TENM2: variants seen among roughly 807,000 people sequenced by gnomAD.
TENM2 encodes teneurin transmembrane protein 2.
A neutral mutation model predicts 245.2 loss-of-function variants in TENM2; 52 were observed. The observed-to-expected ratio is 0.21, with a 90% CI of 0.17 to 0.27. The LOEUF (loss-of-function observed/expected upper bound fraction) is 0.27. Ranked by LOEUF, TENM2 falls within the 10% of genes least tolerant of loss-of-function variation. The pLI is 1.00. For synonymous variants in TENM2, 1,363 were observed against 1,438.9 expected, an observed-to-expected ratio of 0.95 and a Z score of 1.19; for missense variants, 3,046 against 3,666.8, an observed-to-expected ratio of 0.83 and a Z score of 4.37.
chr5:167,442,921 T>C (rs1371024858), intron 2 of TENM2, among the ~76,000 whole-genome samples: 1 of 152,216 alleles, frequency 6.6e-6, no homozygotes, highest in Non-Finnish European at 1.5e-5. Context: ...ACAGGAACCC[T>C]GCTCCAATTA....
In TENM2 at chr5:167,801,241, G is replaced by A. The variant is rs367604833; in HGVS notation, c.503-74745G>A. ...TCATATTAGTAAACAAATGTTTCTG[G>A]CTGCTGAAGGTATAATTTATTTTTA... On this transcript the variant is annotated intron_variant, in intron 2 of 28. Coordinates refer to ENST00000518659, the Ensembl canonical transcript of TENM2. Among the ~76,000 whole-genome samples, 35 of 148,254 alleles carry A rather than the reference G, an allele frequency of 2.4e-4. 1 individual carries two copies. In the East Asian group the frequency reaches 5.5e-3, roughly 23 times the overall value.
intron 3 of TENM2, among the ~76,000 whole-genome samples, chr5:167,906,681 C>T (rs917495716): frequency 6.6e-6 from 1 of 152,146 alleles, no homozygotes; most frequent in East Asian, 1.9e-4. Context: ...CTCCAGGGAG[C>T]GCCATTCACG....
the TENM2 span, among the ~76,000 whole-genome samples, chr5:167,136,074 A>G: frequency 6.6e-6 from 1 of 152,234 alleles, no homozygotes; most frequent in Non-Finnish European, 1.5e-5. Context: ...AGAGAGGATG[A>G]TCATTTTTAA....
At chr5:167,898,821 A>G (rs1011965806) in intron 3 of TENM2, among the ~76,000 whole-genome samples, 5 of 152,186 alleles carry the variant, frequency 3.3e-5, no homozygotes, top group Non-Finnish European at 7.3e-5. Flanking sequence ...GTTCTTGAGC[A>G]TGGCTAGTGT....
In TENM2 at chr5:168,178,420, C is replaced by G. The variant is rs577162019; in HGVS notation, c.2570-11917C>G. On this transcript the variant is annotated intron_variant, in intron 13 of 28. Transcript: ENST00000518659. Reference sequence around the variant, plus strand: ...GAGGCCAAGAGCAGAGGCCCCTGCTCTCTGTTGCCAGTGGTTTTTGTAACA... The same window carrying G: ...GAGGCCAAGAGCAGAGGCCCCTGCTGTCTGTTGCCAGTGGTTTTTGTAACA... Among the ~76,000 whole-genome samples the G allele has an allele frequency of 5.3e-5, 8 of 152,172 alleles. No homozygotes were observed. The South Asian group carries it at 1.7e-3, about 32-fold the overall frequency.
chr5:168,082,881 G>A (rs528038069), intron 7 of TENM2, among the ~76,000 whole-genome samples: 7 of 152,316 alleles, frequency 4.6e-5, no homozygotes, highest in Non-Finnish European at 8.8e-5. Context: ...GTGTCTCCCA[G>A]TTAGTCTACT....
intron 2 of TENM2, among the ~76,000 whole-genome samples, chr5:167,442,802 T>C (rs1764945562): frequency 6.6e-6 from 1 of 152,128 alleles, no homozygotes; most frequent in African/African-American, 2.4e-5. Flanking sequence ...AATTGCATAA[T>C]ATGGTCAAAT....
At chr5:167,896,367 T>C (rs1775221073) in intron 3 of TENM2, among the ~76,000 whole-genome samples, 1 of 152,244 alleles carries the variant, frequency 6.6e-6, no homozygotes, top group African/African-American at 2.4e-5. Flanking sequence ...GGGGAATGAC[T>C]GGATTGAGGC....
intron 2 of TENM2, among the ~76,000 whole-genome samples, chr5:167,841,393 A>C: frequency 6.6e-6 from 1 of 152,064 alleles, no homozygotes; most frequent in Non-Finnish European, 1.5e-5. Flanking sequence ...ATTTTGATAT[A>C]ATTTCAAAAT....
the TENM2 span, among the ~76,000 whole-genome samples, chr5:167,041,027 T>C: frequency 6.6e-6 from 1 of 152,210 alleles, no homozygotes; most frequent in Non-Finnish European, 1.5e-5. Context: ...TCATTCATTT[T>C]TCCTTGACAC....
intron 2 of TENM2, among the ~76,000 whole-genome samples, chr5:167,615,922 A>G (rs1777763136): frequency 6.6e-6 from 1 of 152,194 alleles, no homozygotes; most frequent in African/African-American, 2.4e-5. Flanking sequence ...ACAAAAGGCC[A>G]TTAGATAGAA....
chr5:167,849,384 A>G (rs1393705576), intron 2 of TENM2, among the ~76,000 whole-genome samples: 1 of 152,188 alleles, frequency 6.6e-6, no homozygotes, highest in East Asian at 1.9e-4. Flanking sequence ...ATTCTGATGA[A>G]AAAATAAAAT....
intron 27 of TENM2, among the ~76,000 whole-genome samples, chr5:168,251,991 G>A (rs559099260): frequency 6.6e-6 from 1 of 152,214 alleles, no homozygotes; most frequent in African/African-American, 2.4e-5. Flanking sequence ...CTTACAGGCT[G>A]CAAAGCAGCA....
chr5:167,393,354 G>A lies in TENM2; in HGVS notation c.502+17881G>A, dbSNP rs570945072. Among the ~76,000 whole-genome samples, 160 of 152,116 alleles carry A rather than the reference G, an allele frequency of 1.1e-3. 1 individual carries two copies. Among genetic ancestry groups the A allele is most frequent in the African/African-American group, 2.7e-3 (113 of 41,512 alleles). The stretch of plus-strand genomic sequence containing the variant: ...AGTTTTGCAGTAGTAAACGGGAGTC[G>A]GAGGGCCAAGGAAAACTTTATTAAA... On this transcript the variant is annotated intron_variant, in intron 2 of 28. Transcript: ENST00000518659.
At chr5:167,166,748 A>T in the TENM2 span, among the ~76,000 whole-genome samples, 1 of 152,158 alleles carries the variant, frequency 6.6e-6, no homozygotes, top group Non-Finnish European at 1.5e-5. Flanking sequence ...CTTTGTTTTT[A>T]CTGATCTCTA....
intron 13 of TENM2, among the ~76,000 whole-genome samples, chr5:168,182,030 A>T (rs1271841385): frequency 6.6e-6 from 1 of 152,126 alleles, no homozygotes; most frequent in African/African-American, 2.4e-5. Context: ...GCAGGGAAGG[A>T]GGATGCCTGA....
intron 2 of TENM2, among the ~76,000 whole-genome samples, chr5:167,859,445 C>T (rs1205981112): frequency 2.0e-4 from 27 of 132,204 alleles, no homozygotes; most frequent in Admixed American, 2.8e-4. Context: ...TCTGCCCGGC[C>T]GCCCCTACTG....
At chr5:167,611,842 G>A (rs1777496395) in intron 2 of TENM2, among the ~76,000 whole-genome samples, 1 of 151,910 alleles carries the variant, frequency 6.6e-6, no homozygotes, top group Admixed American at 6.6e-5. Flanking sequence ...CATTCATGAG[G>A]GCTTCTCCCT....
chr5:167,570,010 A>G (rs1022834572), intron 2 of TENM2, among the ~76,000 whole-genome samples: 1 of 152,188 alleles, frequency 6.6e-6, no homozygotes, highest in South Asian at 2.1e-4. Context: ...TGTGGAGGAC[A>G]TGTAACCTGT....
Sources: allele counts gnomAD v4.1 joint callset (sites outside exome capture counted in the v4.1 genomes callset), GRCh38; gene constraint gnomAD v4.1.1; transcripts MANE v1.5; gene names NCBI Gene and HGNC (gene_info 2026-07-23, HGNC 2026-07-21).